Variants in SMYD3 observed in about 807,000 individuals in gnomAD.
The protein encoded by SMYD3 is SET and MYND domain containing 3, also known as histone-lysine N-methyltransferase SMYD3.
SMYD3 carries 36 observed loss-of-function variants against 57.7 expected under a neutral mutation model. That is an observed-to-expected ratio of 0.62 (90% confidence interval 0.48 to 0.82). The LOEUF is 0.82. Among genes scored for constraint, SMYD3 ranks in the 40% least tolerant of loss-of-function variants. SMYD3 has a pLI of 0.00. For missense variants in SMYD3, 515 were observed against 538.8 expected (o/e 0.96, Z 0.44); for synonymous variants, 211 against 195.0 (o/e 1.08, Z -0.68).
chr1:245,775,725 A>AT (rs1311240526), intron 10 of SMYD3, among the ~76,000 whole-genome samples: 1 of 121,488 alleles, frequency 8.2e-6, no homozygotes, highest in Admixed American at 7.4e-5. Flanking sequence ...TAAAAAAAAA[A>AT]AAAAATAAAA....
intron 1 of SMYD3, among the ~76,000 whole-genome samples, chr1:246,375,694 T>C (rs947880431): frequency 6.6e-6 from 1 of 152,166 alleles, no homozygotes; most frequent in African/African-American, 2.4e-5. Context: ...TCGGCAATAA[T>C]GTGAACTGGC....
At chr1:246,238,186 C>T (rs1005263214) in intron 5 of SMYD3, among the ~76,000 whole-genome samples, 26 of 152,050 alleles carry the variant, frequency 1.7e-4, no homozygotes, top group African/African-American at 6.3e-4. Flanking sequence ...ACCTCAGCCT[C>T]CTGAGTAGTT....
At chr1:246,291,989 C>A (rs1413277453) in intron 5 of SMYD3, among the ~76,000 whole-genome samples, 5 of 151,994 alleles carry the variant, frequency 3.3e-5, no homozygotes, top group African/African-American at 1.2e-4. Context: ...ATCCAACACA[C>A]CAGCATCTTA....
chr1:246,422,776 T>C (rs1300352142), intron 1 of SMYD3, among the ~76,000 whole-genome samples: 2 of 152,222 alleles, frequency 1.3e-5, no homozygotes, highest in Non-Finnish European at 2.9e-5. Context: ...TTATGATTTT[T>C]TTTTAAGATA....
intron 10 of SMYD3, among the ~76,000 whole-genome samples, chr1:245,847,277 C>T (rs745880949): frequency 6.6e-6 from 1 of 152,178 alleles, no homozygotes; most frequent in Non-Finnish European, 1.5e-5. Flanking sequence ...ATTATAAATG[C>T]CATTATCCTT....
At chr1:245,953,069 G>A (rs914731801) in intron 5 of SMYD3, among the ~76,000 whole-genome samples, 3 of 152,204 alleles carry the variant, frequency 2.0e-5, no homozygotes, top group Non-Finnish European at 2.9e-5. Context: ...GAATTTGGTC[G>A]GCATGTGATC....
intron 5 of SMYD3, among the ~76,000 whole-genome samples, chr1:246,233,027 A>T (rs1367245436): frequency 2.2e-5 from 3 of 135,136 alleles, no homozygotes; most frequent in Admixed American, 1.5e-4. Flanking sequence ...TGTGATGAAC[A>T]TATACCACAC....
At chr1:246,432,665 C>G (rs1558462341) in intron 1 of SMYD3, among the ~76,000 whole-genome samples, 1 of 152,196 alleles carries the variant, frequency 6.6e-6, no homozygotes, top group Non-Finnish European at 1.5e-5. Flanking sequence ...CTCGCTTGGT[C>G]TTGACTGCCT....
chr1:246,506,991 C>CCCCCCCCCCCCCCCCA, intron 1 of SMYD3, 63 bp downstream of exon 1: 2 of 815,392 alleles, frequency 2.5e-6, no homozygotes, highest in Admixed American at 5.5e-5. Context: ...CGCCCGACGC[C>CCCCCCCCCCCCCCCCA]CCCCCCTCCC....
chr1:246,060,346 CA>C (rs1471513419), intron 5 of SMYD3, among the ~76,000 whole-genome samples: 1 of 151,730 alleles, frequency 6.6e-6, no homozygotes, highest in Non-Finnish European at 1.5e-5. Context: ...AGAAGATCTC[CA>C]TATATAAATA....
chr1:245,821,244 A>G (rs1239651177), intron 10 of SMYD3, among the ~76,000 whole-genome samples: 5 of 145,662 alleles, frequency 3.4e-5, no homozygotes, highest in Non-Finnish European at 6.1e-5. Flanking sequence ...ATAACGCCAC[A>G]TATCTACAAC....
rs372186333 is a variant in SMYD3 at position 246,002,270 on chromosome 1, C to T, written c.532-72333G>A. Among the ~76,000 whole-genome samples, 127 of 134,702 alleles carry T rather than the reference C, an allele frequency of 9.4e-4. 1 individual carries two copies. Among genetic ancestry groups the T allele is most frequent in the African/African-American group, 2.0e-3 (75 of 37,762 alleles). 88.4% of individuals were successfully genotyped at this position (134,702 alleles called of 152,430 possible). A position where few individuals can be genotyped will look rare whatever the true frequency, so the allele number is the denominator to read the frequency against. On this transcript the variant is annotated intron_variant, in intron 5 of 11. Transcript: ENST00000490107. The stretch of plus-strand genomic sequence containing the variant: ...CGCGATCTCGGCTCACTGCAAGCTC[C>T]GCCTCCCGGGTTCACGCCATTCTCC...
chr1:245,833,073 A>AAAAAAAAAAAAAAACACAAC, intron 10 of SMYD3, among the ~76,000 whole-genome samples: 102 of 128,468 alleles, frequency 7.9e-4, no homozygotes, highest in East Asian at 5.4e-3. Flanking sequence ...AAAAAAAAAA[A>AAAAAAAAAAAAAAACACAAC]AACCTGCTTT....
chr1:245,914,415 C>A (rs2055246446), intron 8 of SMYD3, among the ~76,000 whole-genome samples: 1 of 152,202 alleles, frequency 6.6e-6, no homozygotes, highest in African/African-American at 2.4e-5. Flanking sequence ...ATGTGGCATA[C>A]ATACACAATG....
intron 5 of SMYD3, among the ~76,000 whole-genome samples, chr1:245,979,223 A>G (rs2058534233): frequency 6.6e-6 from 1 of 152,174 alleles, no homozygotes; most frequent in African/African-American, 2.4e-5. Flanking sequence ...GAGATTTGGG[A>G]ATCTTTTCCA....
At chr1:246,031,375 A>T (rs2059670154) in intron 5 of SMYD3, among the ~76,000 whole-genome samples, 1 of 152,188 alleles carries the variant, frequency 6.6e-6, no homozygotes, top group Non-Finnish European at 1.5e-5. Context: ...TGAAGTATTA[A>T]CTGGCAAAAT....
At chr1:246,376,753 C>T (rs922735879) in intron 1 of SMYD3, among the ~76,000 whole-genome samples, 1 of 151,888 alleles carries the variant, frequency 6.6e-6, no homozygotes, top group Non-Finnish European at 1.5e-5. Flanking sequence ...TTACTTAGGT[C>T]GACTTCTCTA....
intron 5 of SMYD3, among the ~76,000 whole-genome samples, chr1:246,106,906 A>T (rs1245515230): frequency 1.3e-5 from 2 of 152,212 alleles, no homozygotes; most frequent in Non-Finnish European, 2.9e-5. Flanking sequence ...CACTGTTCTC[A>T]ACAGCAAAGT....
At chr1:246,393,352 TC>T (rs1473844428) in intron 1 of SMYD3, among the ~76,000 whole-genome samples, 3 of 152,148 alleles carry the variant, frequency 2.0e-5, no homozygotes, top group Admixed American at 2.0e-4. Flanking sequence ...GGCTGCCTGA[TC>T]CCGTGTTCAG....
Sources: allele counts gnomAD v4.1 joint callset (sites outside exome capture counted in the v4.1 genomes callset), GRCh38; gene constraint gnomAD v4.1.1; transcripts MANE v1.5; gene names NCBI Gene and HGNC (gene_info 2026-07-23, HGNC 2026-07-21).